The following MBD5 variants were observed in gnomAD, a reference collection of about 807,000 sequenced individuals.
The protein encoded by MBD5 is methyl-CpG-binding domain protein 5.
In MBD5, 13 loss-of-function variants were observed where a neutral mutation model predicts 117.3. The observed-to-expected ratio is 0.11, with a 90% CI of 0.07 to 0.18. MBD5 has a LOEUF of 0.18. Ranked by LOEUF, MBD5 falls within the 10% of genes least tolerant of loss-of-function variation. The pLI is 1.00. For synonymous variants in MBD5, 727 were observed against 766.4 expected (o/e 0.95, Z 0.85); for missense variants, 1,879 against 2,093.8 (o/e 0.90, Z 2.00).
intron 3 of MBD5, among the ~76,000 whole-genome samples, chr2:148,310,478 A>T (rs904272862): frequency 6.6e-6 from 1 of 151,834 alleles, no homozygotes. Flanking sequence ...TTTCTGGGGG[A>T]TCAGTGGTAA....
intron 1 of MBD5, chr2:148,028,754 T>C (rs1693965289): frequency 6.6e-6 from 1 of 152,110 alleles, no homozygotes; most frequent in Admixed American, 6.5e-5. Flanking sequence ...AATATTCTTA[T>C]TTGAAAAGTT....
chr2:148,498,115 G>T (rs1280619548), intron 11 of MBD5, among the ~76,000 whole-genome samples: 1 of 152,186 alleles, frequency 6.6e-6, no homozygotes, highest in South Asian at 2.1e-4. Flanking sequence ...TTGTAGAAAT[G>T]GAATGGGGAA....
intron 3 of MBD5, among the ~76,000 whole-genome samples, chr2:148,332,787 G>A (rs575683587): frequency 6.6e-6 from 1 of 152,170 alleles, no homozygotes; most frequent in Admixed American, 6.5e-5. Flanking sequence ...ATTCAGCCAG[G>A]TACTCAGTGA....
intron 1 of MBD5, among the ~76,000 whole-genome samples, chr2:148,061,878 A>AT (rs1695045313): frequency 6.7e-6 from 1 of 149,822 alleles, no homozygotes; most frequent in East Asian, 2.0e-4. Flanking sequence ...AAAATCTTTA[A>AT]TTTTTTCAGG....
chr2:148,451,372 G>C (rs906006237), intron 4 of MBD5, among the ~76,000 whole-genome samples: 5 of 152,142 alleles, frequency 3.3e-5, no homozygotes, highest in African/African-American at 7.2e-5. Context: ...ATAACTGCAA[G>C]ATAAGTGTGC....
chr2:148,174,170 T>G (rs1019966464), intron 1 of MBD5, among the ~76,000 whole-genome samples: 3 of 152,190 alleles, frequency 2.0e-5, no homozygotes, highest in African/African-American at 7.2e-5. Context: ...GTCAATTGAT[T>G]TATGACAAAG....
chr2:148,467,321 G>T (rs1680583186), intron 7 of MBD5, among the ~76,000 whole-genome samples: 1 of 152,186 alleles, frequency 6.6e-6, no homozygotes, highest in East Asian at 1.9e-4. Flanking sequence ...TCTGTATGAT[G>T]AATCTGCTTG....
intron 2 of MBD5, among the ~76,000 whole-genome samples, chr2:148,213,561 C>T (rs79556997): frequency 2.6e-5 from 4 of 152,078 alleles, no homozygotes; most frequent in Non-Finnish European, 4.4e-5. Flanking sequence ...TTTAAGTTGC[C>T]GCATCAAAAG....
intron 4 of MBD5, among the ~76,000 whole-genome samples, chr2:148,382,786 T>C (rs1455686897): frequency 6.6e-6 from 1 of 152,096 alleles, no homozygotes; most frequent in African/African-American, 2.4e-5. Flanking sequence ...AAACTAGAAC[T>C]TGGGATTAAG....
chr2:148,176,521 GTC>G (rs1304690724), intron 1 of MBD5, among the ~76,000 whole-genome samples: 2 of 151,470 alleles, frequency 1.3e-5, no homozygotes, highest in African/African-American at 4.9e-5. Context: ...CAATTCTCCT[GTC>G]TCAGCCTCCC....
chr2:148,346,139 T>C (rs904379319), intron 4 of MBD5: 5 of 151,728 alleles, frequency 3.3e-5, no homozygotes, highest in African/African-American at 4.8e-5. Context: ...TACTTTCCAC[T>C]CCATTTTGCT....
intron 1 of MBD5, among the ~76,000 whole-genome samples, chr2:148,101,509 T>C (rs1696216303): frequency 6.6e-6 from 1 of 152,128 alleles, no homozygotes; most frequent in South Asian, 2.1e-4. Flanking sequence ...AAAAATATTT[T>C]TAATTAAAAT....
intron 3 of MBD5, among the ~76,000 whole-genome samples, chr2:148,257,992 A>G (rs927999917): frequency 1.3e-5 from 2 of 152,170 alleles, no homozygotes; most frequent in Non-Finnish European, 2.9e-5. Flanking sequence ...AGGCTTTCTA[A>G]CTGGCCACAC....
chr2:148,294,501 G>GTTTTTTTTTTTTTGTTTTTTTTTTTTTGT (rs761709621), intron 3 of MBD5, among the ~76,000 whole-genome samples: 5 of 113,262 alleles, frequency 4.4e-5, no homozygotes, highest in East Asian at 4.5e-4. Context: ...TGGGATTACA[G>GTTTTTTTTTTTTTGTTTTTTTTTTTTTGT]TTTTTTTTTT....
intron 4 of MBD5, among the ~76,000 whole-genome samples, chr2:148,349,087 A>G (rs568228823): frequency 4.1e-4 from 63 of 151,874 alleles, no homozygotes; most frequent in African/African-American, 1.5e-3. Context: ...AAATCATGAG[A>G]TTTTATGTTT....
intron 2 of MBD5, among the ~76,000 whole-genome samples, chr2:148,213,505 T>G (rs1699479957): frequency 1.3e-5 from 2 of 152,196 alleles, no homozygotes; most frequent in African/African-American, 4.8e-5. Context: ...AAACAGTATT[T>G]GACTTTGAGG....
In MBD5 at chr2:148,490,118, A is replaced by G. The variant is rs1681475996; in HGVS notation, c.4486A>G (p.Asn1496Asp). 3 of 1,614,052 alleles carry G rather than the reference A, an allele frequency of 1.9e-6. No homozygotes were observed. Among genetic ancestry groups the G allele is most frequent in the Middle Eastern group, 1.6e-4 (1 of 6,062 alleles). Residue 1496 changes from asparagine to aspartate, a missense_variant, in exon 11 of 14, where the codon AAT (asparagine) becomes GAT (aspartate). Asn to Asp is a conservative substitution (Grantham distance 23). Around this residue, in one of 4 missense-constraint regions of MBD5, gnomAD observed 1,666 missense variants for 1,792.2 expected, o/e 0.93. Transcript: ENST00000642680. Reference protein sequence around the residue: ...NCPGDKILEENFRYNNYKRTM... With the variant: ...NCPGDKILEEDFRYNNYKRTM... ...TCCAGGGGATAAAATTCTAGAGGAA[A>G]ATTTCAGGTATAATAACTACAAAAG... is the stretch of plus-strand genomic sequence containing the variant.
At chr2:148,424,661 G>C (rs931308891) in intron 4 of MBD5, among the ~76,000 whole-genome samples, 1 of 152,066 alleles carries the variant, frequency 6.6e-6, no homozygotes, top group African/African-American at 2.4e-5. Flanking sequence ...AAATGTAAAA[G>C]AACAGAAATC....
chr2:148,083,069 C>T (rs1695686550), intron 1 of MBD5, among the ~76,000 whole-genome samples: 1 of 152,082 alleles, frequency 6.6e-6, no homozygotes, highest in Non-Finnish European at 1.5e-5. Context: ...GTTTGGTCCC[C>T]GAATCTGAGC....
Sources: gnomAD v4.1 joint callset for allele counts (sites outside exome capture counted in the v4.1 genomes callset) on GRCh38, gnomAD v4.1.1 for gene constraint, gnomAD v4.1.1 regional missense constraint, MANE v1.5 for transcripts, NCBI Gene and HGNC (gene_info 2026-07-23, HGNC 2026-07-21) for gene names.